Variants in E2F3 observed in about 807,000 individuals in gnomAD.
E2F3 encodes transcription factor E2F3.
In E2F3, 11 loss-of-function variants were observed where a neutral mutation model predicts 44.4. The ratio of observed to expected loss-of-function variants is 0.25; its 90% CI spans 0.16 to 0.41. E2F3 has a LOEUF of 0.41. Among genes scored for constraint, E2F3 ranks in the 10% least tolerant of loss-of-function variants. E2F3 has a pLI of 1.00. For missense variants in E2F3, 487 were observed against 583.6 expected, an observed-to-expected ratio of 0.83 and a Z score of 1.70; for synonymous variants, 249 against 253.0, an observed-to-expected ratio of 0.98 and a Z score of 0.15.
At chr6:20,473,061 G>T (rs1422901162) in intron 1 of E2F3, among the ~76,000 whole-genome samples, 1 of 152,158 alleles carries the variant, frequency 6.6e-6, no homozygotes. Context: ...TATCTGAAAG[G>T]ATATCCAAGT....
chr6:20,487,019 T>A (rs3806116), intron 5 of E2F3, among the ~76,000 whole-genome samples: 1 of 152,054 alleles, frequency 6.6e-6, no homozygotes, highest in Admixed American at 6.5e-5. Flanking sequence ...GGATGTTCAG[T>A]TCAAAGTGGT....
intron 6 of E2F3, among the ~76,000 whole-genome samples, chr6:20,489,498 T>C (rs1158905547): frequency 6.6e-6 from 1 of 152,138 alleles, no homozygotes; most frequent in Non-Finnish European, 1.5e-5. Context: ...TTTTTTCAGT[T>C]GGTGAGTTTC....
chr6:20,418,957 C>T (rs918317158), intron 1 of E2F3, among the ~76,000 whole-genome samples: 2 of 151,880 alleles, frequency 1.3e-5, no homozygotes, highest in Admixed American at 1.3e-4. Context: ...CCCTCTTGAT[C>T]TTGCTTCCTT....
chr6:20,445,545 A>G (rs773530665), intron 1 of E2F3, among the ~76,000 whole-genome samples: 3 of 152,120 alleles, frequency 2.0e-5, no homozygotes, highest in African/African-American at 7.2e-5. Flanking sequence ...GTATCTTAGC[A>G]TTGATACCCC....
intron 1 of E2F3, among the ~76,000 whole-genome samples, chr6:20,466,166 G>C (rs1461820468): frequency 1.3e-5 from 2 of 152,106 alleles, no homozygotes; most frequent in Admixed American, 1.3e-4. Flanking sequence ...AGGCTGGAGT[G>C]CAGTGTCGTG....
intron 1 of E2F3, among the ~76,000 whole-genome samples, chr6:20,415,934 G>A (rs529970847): frequency 1.3e-5 from 2 of 152,312 alleles, no homozygotes; most frequent in African/African-American, 2.4e-5. Context: ...ATTTAAGAGC[G>A]ACTTTCTGCT....
intron 1 of E2F3, among the ~76,000 whole-genome samples, chr6:20,467,511 A>G (rs1408087621): frequency 6.6e-6 from 1 of 152,156 alleles, no homozygotes; most frequent in Non-Finnish European, 1.5e-5. Flanking sequence ...TCTGCTTTCA[A>G]TGGCTTCTTG....
At chr6:20,432,748 C>T (rs778493660) in intron 1 of E2F3, among the ~76,000 whole-genome samples, 2 of 152,092 alleles carry the variant, frequency 1.3e-5, no homozygotes, top group African/African-American at 2.4e-5. Flanking sequence ...CCCTGTTCGA[C>T]GTTTCCTCAC....
At chr6:20,476,372 C>CA (rs11284242) in intron 1 of E2F3, among the ~76,000 whole-genome samples, 2,269 of 140,930 alleles carry the variant, frequency 0.016, 18 homozygotes, top group Non-Finnish European at 0.02. Flanking sequence ...CTCCGGGTCT[C>CA]AAAAAAAAAA....
chr6:20,475,109 T>C (rs1270831201), intron 1 of E2F3, among the ~76,000 whole-genome samples: 10 of 152,266 alleles, frequency 6.6e-5, no homozygotes, highest in Non-Finnish European at 1.5e-4. Flanking sequence ...GTGATTGATT[T>C]CCTTAGAGGT....
intron 1 of E2F3, chr6:20,403,560 C>T: frequency 4.5e-6 from 2 of 444,852 alleles, no homozygotes; most frequent in Non-Finnish European, 8.0e-6. Flanking sequence ...GCGCCTGTGA[C>T]TGGGGAGGAG....
At chr6:20,466,949 G>A (rs773601875) in intron 1 of E2F3, among the ~76,000 whole-genome samples, 55 of 152,082 alleles carry the variant, frequency 3.6e-4, no homozygotes, top group Non-Finnish European at 7.6e-4. Flanking sequence ...CAAAGTGCTG[G>A]GATTACAGGT....
chr6:20,450,090 A>C lies in E2F3; in HGVS notation c.394-29756A>C, dbSNP rs140957494. ...GTGCTGCAGTGAACATACGGTATGC[A>C]TGAGTCTTCATAACAGAACAATTTA... On this transcript the variant is annotated intron_variant, in intron 1 of 6. Transcript: ENST00000346618. 3.1e-3 allele frequency among the ~76,000 whole-genome samples: 474 copies of C among 152,308 alleles called. 2 individuals carry two copies. The highest frequency in any genetic ancestry group is 0.01 in the African/African-American group (425 of 41,570).
chr6:20,410,261 G>A (rs1171903271), intron 1 of E2F3, among the ~76,000 whole-genome samples: 1 of 152,152 alleles, frequency 6.6e-6, no homozygotes. Flanking sequence ...AGAGAAGGAG[G>A]CTCATGTGTT....
At chr6:20,449,917 C>T (rs1761071731) in intron 1 of E2F3, among the ~76,000 whole-genome samples, 2 of 152,150 alleles carry the variant, frequency 1.3e-5, no homozygotes, top group Non-Finnish European at 1.5e-5. Flanking sequence ...TAATGGCCTC[C>T]AGCTCCATCC....
At chr6:20,478,092 AGG>A (rs1762105533) in intron 1 of E2F3, among the ~76,000 whole-genome samples, 1 of 152,022 alleles carries the variant, frequency 6.6e-6, no homozygotes, top group Non-Finnish European at 1.5e-5. Flanking sequence ...CCATCTACTC[AGG>A]AGGCTGAGAT....
At chr6:20,403,615 C>A in intron 1 of E2F3, 1 of 478,412 alleles carries the variant, frequency 2.1e-6, no homozygotes. Flanking sequence ...GGGGCACCCA[C>A]TTCCTCCTGC....
intron 1 of E2F3, among the ~76,000 whole-genome samples, chr6:20,425,407 G>C (rs762746002): frequency 3.9e-5 from 3 of 77,794 alleles, no homozygotes; most frequent in Non-Finnish European, 7.7e-5. Flanking sequence ...TTTTTTTTTT[G>C]AGACAAAGTC....
At chr6:20,432,781 T>C (rs1760450821) in intron 1 of E2F3, among the ~76,000 whole-genome samples, 1 of 152,138 alleles carries the variant, frequency 6.6e-6, no homozygotes, top group African/African-American at 2.4e-5. Context: ...ATGAGGCTCT[T>C]CCAGGGTGTG....
Sources: allele counts gnomAD v4.1 joint callset (sites outside exome capture counted in the v4.1 genomes callset), GRCh38; gene constraint gnomAD v4.1.1; transcripts MANE v1.5; gene names NCBI Gene and HGNC (gene_info 2026-07-23, HGNC 2026-07-21).